OSGEPL1: variants seen among roughly 807,000 people sequenced by gnomAD.
The protein encoded by OSGEPL1 is tRNA N6-adenosine threonylcarbamoyltransferase, mitochondrial.
Under a neutral mutation model 37.2 loss-of-function variants are expected in OSGEPL1, and 26 were observed. The observed-to-expected ratio is 0.70, with a 90% confidence interval of 0.51 to 0.97. The LOEUF (loss-of-function observed/expected upper bound fraction) is 0.97. Among genes scored for constraint, OSGEPL1 ranks in the 50% least tolerant of loss-of-function variants. The pLI is 0.00. For missense variants in OSGEPL1, 404 were observed against 487.0 expected (o/e 0.83, Z 1.60); for synonymous variants, 140 against 159.9 (o/e 0.88, Z 0.94).
At position 189,754,997 on chromosome 2, in the gene OSGEPL1, AG is replaced by A. The variant is rs768848299; in HGVS notation, c.609+175del. ...CTTACCATTTTATTAAGAAAGGCTA[AG>A]AATTATAAAATTGTGTACTACTCTT... On this transcript the variant is annotated intron_variant, in intron 3 of 8. Coordinates refer to ENST00000264151, the MANE Select transcript of OSGEPL1 (RefSeq NM_022353.3). 34 of 699,140 alleles carry A rather than the reference AG, an allele frequency of 4.9e-5. No individual in the cohort carries two copies. The South Asian group carries it at 7.3e-4, about 15-fold the overall frequency. 43.3% of individuals were successfully genotyped at this position (699,140 alleles called of 1,614,324 possible). A position where few individuals can be genotyped will look rare whatever the true frequency, so the allele number is the denominator to read the frequency against.
intron 2 of OSGEPL1, among the ~76,000 whole-genome samples, chr2:189,757,846 TCTC>T (rs1251050891): frequency 3.9e-5 from 6 of 152,202 alleles, no homozygotes; most frequent in East Asian, 1.9e-4. Flanking sequence ...TGCCCAGTAG[TCTC>T]CTCAAGTGAC....
In OSGEPL1 at chr2:189,750,664, A is replaced by G. The variant is rs1366954091; in HGVS notation, c.1167-8T>C. On this transcript the variant is annotated splice_polypyrimidine_tract_variant and splice_region_variant and intron_variant, in intron 7 of 8. Transcript: ENST00000264151. ...TCTACTCCAAGAGGACATCTACATC[A>G]TAAGCAGACAAATCGTATTATTTAT... 1.3e-6 allele frequency: 2 copies of G among 1,563,006 alleles called. No individual in the cohort carries two copies. The highest frequency in any genetic ancestry group is 2.0e-5 in the Admixed American group (1 of 49,848).
rs1278469897 is a variant in OSGEPL1, at chr2:189,761,420, T to G, written c.221A>C (p.Lys74Thr). Reference protein sequence around the residue: ...AIHSQTEVHLKTGGIVPPAAQ... With the variant: ...AIHSQTEVHLTTGGIVPPAAQ... ...AATGACTAAGATAATGTCTACTTAC[T>G]TTAAATGAACTTCAGTTTGGGAATG... The change falls in exon 2 of 9, where the codon AAA becomes ACA. Residue 74 changes from lysine (K) to threonine (T), a missense_variant and splice_region_variant. Physicochemically the swap from Lys to Thr is moderately conservative, Grantham distance 78. Coordinates refer to ENST00000264151, the MANE Select transcript of OSGEPL1 (RefSeq NM_022353.3). 4 of 1,596,704 alleles carry G rather than the reference T, an allele frequency of 2.5e-6. No individual in the cohort carries two copies. In the African/African-American group the frequency reaches 5.4e-5, roughly 22 times the overall value.
At chr2:189,755,944 G>C (rs1455516306) in intron 2 of OSGEPL1, among the ~76,000 whole-genome samples, 1 of 152,178 alleles carries the variant, frequency 6.6e-6, no homozygotes, top group Non-Finnish European at 1.5e-5. Context: ...GAAAGTATTT[G>C]TGTAAAATGA....
intron 2 of OSGEPL1, among the ~76,000 whole-genome samples, chr2:189,759,969 T>C (rs1028345970): frequency 5.9e-5 from 9 of 152,208 alleles, no homozygotes; most frequent in African/African-American, 1.4e-4. Context: ...TCTTAACGAG[T>C]ATGCTGCCTT....
At chr2:189,749,451 G>C (rs1038360189) in intron 8 of OSGEPL1, among the ~76,000 whole-genome samples, 1 of 151,622 alleles carries the variant, frequency 6.6e-6, no homozygotes, top group African/African-American at 2.4e-5. Flanking sequence ...TCCAGATATA[G>C]AGGGTTACAT....
In OSGEPL1 at chr2:189,762,640, T is replaced by C. The variant is rs148428703; in HGVS notation, c.-21+45A>G. The C allele has an allele frequency of 2.6e-4, 252 of 985,390 alleles. 2 individuals carry two copies. In the African/African-American group the frequency reaches 4.0e-3, roughly 15 times the overall value. 61.0% of individuals were successfully genotyped at this position (985,390 alleles called of 1,614,324 possible). A position where few individuals can be genotyped will look rare whatever the true frequency, so the allele number is the denominator to read the frequency against. ...CGCAAACTGGAACCGCTTTTCCAGG[T>C]GCGCAAAAGCGTCAGTGGGGTGAAG... On this transcript the variant is annotated intron_variant, in intron 1 of 8. Transcript: ENST00000264151.
At position 189,746,805 on chromosome 2, in the gene OSGEPL1, A is replaced by G; in HGVS notation, c.*392T>C. 1.5e-6 allele frequency: 1 copy of G among 657,880 alleles called. No homozygotes were observed. Among genetic ancestry groups the G allele is most frequent in the East Asian group, 3.7e-5 (1 of 26,816 alleles). The allele number at this position is 657,880 out of a possible 1,614,324, so 40.8% of individuals were successfully genotyped here. A position where few individuals can be genotyped will look rare whatever the true frequency, so the allele number is the denominator to read the frequency against. ...AGGAATTTAGTGTCAGGTCAGAGTT[A>G]TGGTTTCAAAAAATTAGGATTTCTG... On this transcript the variant is annotated 3_prime_UTR_variant, in exon 9 of 9. Transcript: ENST00000264151.
At chr2:189,758,012 A>AT (rs2046339660) in intron 2 of OSGEPL1, among the ~76,000 whole-genome samples, 1 of 152,146 alleles carries the variant, frequency 6.6e-6, no homozygotes, top group African/African-American at 2.4e-5. Context: ...CTGGTGGGAG[A>AT]TGACTACATC....
chr2:189,750,397 G>T, intron 8 of OSGEPL1, 153 bp downstream of exon 8: 1 of 422,176 alleles, frequency 2.4e-6, no homozygotes. Context: ...ATCTTCCCTT[G>T]TAAGACTTTT....
chr2:189,750,332 T>C (rs1440464934), intron 8 of OSGEPL1, among the ~76,000 whole-genome samples: 1 of 152,118 alleles, frequency 6.6e-6, no homozygotes, highest in Non-Finnish European at 1.5e-5. Context: ...CATCAATACA[T>C]TCCTTTCTCA....
At chr2:189,762,973 C>G (rs1447413307), upstream of OSGEPL1, 1 of 985,222 alleles carries the variant, frequency 1.0e-6, no homozygotes, top group African/African-American at 1.7e-5. Context: ...AGTGACTGAT[C>G]CAGCGGAGGC....
chr2:189,750,038 G>A (rs1490663373), intron 8 of OSGEPL1, among the ~76,000 whole-genome samples: 14 of 152,198 alleles, frequency 9.2e-5, no homozygotes, highest in African/African-American at 2.2e-4. Flanking sequence ...CAGGAGAATC[G>A]CTTGAACCCA....
At chr2:189,760,661 C>A (rs985290669) in intron 2 of OSGEPL1, among the ~76,000 whole-genome samples, 2 of 151,312 alleles carry the variant, frequency 1.3e-5, no homozygotes, top group African/African-American at 4.9e-5. Flanking sequence ...CGTGGTGGCA[C>A]GTGCCTGTAA....
intron 3 of OSGEPL1, chr2:189,754,720 T>A (rs1480099583): frequency 1.8e-5 from 4 of 219,286 alleles, no homozygotes; most frequent in Non-Finnish European, 1.6e-5. Flanking sequence ...TTCCTATATA[T>A]GGCAGTAGCC....
At chr2:189,754,545 G>A (rs1182950437) in intron 3 of OSGEPL1, 200 bp from the exon 4 acceptor site, 1 of 538,950 alleles carries the variant, frequency 1.9e-6, no homozygotes, top group Non-Finnish European at 3.2e-6. Flanking sequence ...CGAACAATAA[G>A]AGGCCAATCA....
intron 8 of OSGEPL1, among the ~76,000 whole-genome samples, chr2:189,749,233 G>A (rs1443667760): frequency 1.6e-5 from 2 of 124,886 alleles, no homozygotes; most frequent in East Asian, 2.4e-4. Context: ...ACAACAGAGC[G>A]AGACTCTGTC....
Position 189,762,769 on chromosome 2 carries a change from C to A in OSGEPL1, c.-105G>T, listed in dbSNP as rs570368325. ...TGCCCTTATCGCTGCAGGAGAAAGCCCGAACCTGGCGCCCGGAAGTGATGT... is the reference window on the plus strand; with the variant it reads ...TGCCCTTATCGCTGCAGGAGAAAGCACGAACCTGGCGCCCGGAAGTGATGT... On this transcript the variant is annotated 5_prime_UTR_variant, in exon 1 of 9. Transcript: ENST00000264151. 1.0e-6 allele frequency: 1 copy of A among 985,522 alleles called. No homozygotes were observed. The highest frequency in any genetic ancestry group is 1.2e-6 in the Non-Finnish European group (1 of 830,040). The allele number at this position is 985,522 out of a possible 1,614,324, so 61.0% of individuals were successfully genotyped here.
chr2:189,761,635 T>A lies in OSGEPL1; in HGVS notation c.6A>T (p.Leu2=), dbSNP rs2047077031. ...AAACTCCTGCAGTCTTAGTCAAGAT[T>A]AGCATACTTACTCTATAGATAATTC... M[L]ILTKTAGVFF... The change falls in exon 2 of 9, where the codon CTA becomes CTT. Residue 2 remains leucine (L), a synonymous_variant. Coordinates refer to ENST00000264151, the MANE Select transcript of OSGEPL1 (RefSeq NM_022353.3). 6 of 1,592,204 alleles carry A rather than the reference T, an allele frequency of 3.8e-6. No individual in the cohort carries two copies. The highest frequency in any genetic ancestry group is 5.1e-6 in the Non-Finnish European group (6 of 1,171,980).
Sources: gnomAD v4.1 joint callset for allele counts (sites outside exome capture counted in the v4.1 genomes callset) on GRCh38, gnomAD v4.1.1 for gene constraint, MANE v1.5 for transcripts, NCBI Gene and HGNC (gene_info 2026-07-23, HGNC 2026-07-21) for gene names.